CERS3: variants seen among roughly 807,000 people sequenced by gnomAD.
The protein encoded by CERS3 is LAG1 homolog, ceramide synthase 3.
A neutral mutation model predicts 50.3 loss-of-function variants in CERS3; 33 were observed. The ratio of observed to expected loss-of-function variants is 0.66; its 90% confidence interval spans 0.50 to 0.88. The LOEUF (loss-of-function observed/expected upper bound fraction) is 0.88, where lower values mean the gene tolerates loss of function less well. CERS3 is among the 40% of genes least tolerant of loss of function. The pLI is 0.00. For missense variants in CERS3, 470 were observed against 460.3 expected, an observed-to-expected ratio of 1.02 and a Z score of -0.19; for synonymous variants, 176 against 155.2, an observed-to-expected ratio of 1.13 and a Z score of -0.99.
chr15:100,416,521 A>T (rs2142073008), intron 11 of CERS3, among the ~76,000 whole-genome samples: 1 of 152,354 alleles, frequency 6.6e-6, no homozygotes, highest in South Asian at 2.1e-4. Flanking sequence ...TGTAAAGGAA[A>T]GAAGTTTAAT....
intron 2 of CERS3, among the ~76,000 whole-genome samples, chr15:100,502,243 C>CAAAAAAAGAAAAAAAAAAAAAAAAAAA (rs2036028685): frequency 8.2e-5 from 1 of 12,160 alleles, no homozygotes; most frequent in Non-Finnish European, 2.2e-4. Context: ...GACTCCACCT[C>CAAAAAAAGAAAAAAAAAAAAAAAAAAA]AAAAAAAGAA....
At position 100,479,720 on chromosome 15, in the gene CERS3, A is replaced by G. The variant is rs187798548; in HGVS notation, c.466-242T>C. Among the ~76,000 whole-genome samples, 292 of 152,326 alleles carry G rather than the reference A, an allele frequency of 1.9e-3. 4 individuals are homozygous for G. Among genetic ancestry groups the G allele is most frequent in the African/African-American group, 6.8e-3 (281 of 41,584 alleles). The stretch of plus-strand genomic sequence containing the variant: ...AATTCACTACTAGTGAATCTAAGAT[A>G]AGTAAATAGTGCTGTCTCATAGAGG... On this transcript the variant is annotated intron_variant, in intron 6 of 11. Coordinates refer to ENST00000679737, the MANE Select transcript of CERS3 (RefSeq NM_001378789.1).
At chr15:100,443,763 T>C (rs144628537) in intron 11 of CERS3, among the ~76,000 whole-genome samples, 200 of 152,158 alleles carry the variant, frequency 1.3e-3, no homozygotes, top group African/African-American at 4.5e-3. Flanking sequence ...TCCCTGCCGA[T>C]AGTGTCCGAC....
rs574192441 is a variant in CERS3 at position 100,408,851 on chromosome 15, C to T, written c.1000-5986G>A. ...GCTCGGGACTAAACAGTTACATCAA[C>T]AACATTTCCTCCTCACAGCCACAAG... On this transcript the variant is annotated intron_variant, in intron 11 of 11. Coordinates refer to ENST00000679737, the MANE Select transcript of CERS3 (RefSeq NM_001378789.1). 144 of 152,292 alleles carry T rather than the reference C, an allele frequency of 9.5e-4. 1 individual carries two copies. The highest frequency in any genetic ancestry group is 3.3e-3 in the African/African-American group (136 of 41,572). 9.4% of individuals were successfully genotyped at this position (152,292 alleles called of 1,614,324 possible). A position where few individuals can be genotyped will look rare whatever the true frequency, so the allele number is the denominator to read the frequency against.
chr15:100,413,120 C>T (rs1052005333), intron 11 of CERS3, among the ~76,000 whole-genome samples: 1 of 152,050 alleles, frequency 6.6e-6, no homozygotes, highest in Admixed American at 6.6e-5. Flanking sequence ...TTGATTATAT[C>T]AACATAATTT....
chr15:100,456,214 A>T (rs955209733), intron 10 of CERS3, among the ~76,000 whole-genome samples, 168 bp from the exon 11 acceptor site: 1 of 152,234 alleles, frequency 6.6e-6, no homozygotes, highest in African/African-American at 2.4e-5. Flanking sequence ...AAATATCATT[A>T]CTGGCAAGCA....
rs11855834 is a variant in CERS3, at chr15:100,423,252, G to T, written c.1000-20387C>A. 4.4e-3 allele frequency among the ~76,000 whole-genome samples: 663 copies of T among 152,196 alleles called. 5 individuals are homozygous for T. The highest frequency in any genetic ancestry group is 0.015 in the African/African-American group (605 of 41,542). ...TAAAACAGAACTTCCATTCAACCCA[G>T]CAATCCTATTACTGGGTATATACCC... On this transcript the variant is annotated intron_variant, in intron 11 of 11. Coordinates refer to ENST00000679737, the MANE Select transcript of CERS3 (RefSeq NM_001378789.1).
intron 1 of CERS3, among the ~76,000 whole-genome samples, chr15:100,536,510 C>T (rs909432862): frequency 2.0e-5 from 3 of 152,138 alleles, no homozygotes; most frequent in Non-Finnish European, 2.9e-5. Flanking sequence ...GTCTCGAATT[C>T]CTAAGCTCGA....
chr15:100,516,190 A>G (rs2036482942), intron 2 of CERS3, among the ~76,000 whole-genome samples: 1 of 152,222 alleles, frequency 6.6e-6, no homozygotes, highest in South Asian at 2.1e-4. Context: ...AGGGGTGGGT[A>G]AGGCCATTAT....
At chr15:100,422,792 G>T (rs1433541880) in intron 11 of CERS3, among the ~76,000 whole-genome samples, 2 of 140,990 alleles carry the variant, frequency 1.4e-5, no homozygotes, top group Admixed American at 1.5e-4. Flanking sequence ...GCAGGGACAT[G>T]GATGAAATTG....
intron 10 of CERS3, among the ~76,000 whole-genome samples, chr15:100,468,009 C>T (rs2034841136): frequency 6.6e-6 from 1 of 151,768 alleles, no homozygotes; most frequent in African/African-American, 2.4e-5. Context: ...TATAGGCATG[C>T]ACCACCATGC....
intron 11 of CERS3, among the ~76,000 whole-genome samples, chr15:100,450,482 G>T (rs1215463116): frequency 1.3e-5 from 2 of 149,762 alleles, no homozygotes; most frequent in African/African-American, 4.9e-5. Context: ...CTTGAAGACA[G>T]GTCTTTTGAA....
intron 1 of CERS3, among the ~76,000 whole-genome samples, chr15:100,537,158 G>A (rs2037094542): frequency 6.6e-6 from 1 of 152,136 alleles, no homozygotes; most frequent in African/African-American, 2.4e-5. Context: ...TCTTCAGCCT[G>A]TGAATTCTCT....
At chr15:100,466,952 C>A (rs547015311) in intron 10 of CERS3, among the ~76,000 whole-genome samples, 1 of 151,866 alleles carries the variant, frequency 6.6e-6, no homozygotes, top group African/African-American at 2.4e-5. Flanking sequence ...CTCCCAGGTT[C>A]AAGCACTTTT....
At chr15:100,534,058 C>T (rs567782667) in intron 1 of CERS3, among the ~76,000 whole-genome samples, 2 of 152,320 alleles carry the variant, frequency 1.3e-5, no homozygotes, top group South Asian at 4.1e-4. Flanking sequence ...GACCATGTCA[C>T]CATGTGAGCA....
Position 100,491,563 on chromosome 15 carries a change from T to G in CERS3, c.174-632A>C, listed in dbSNP as rs368892414. 2.6e-5 allele frequency among the ~76,000 whole-genome samples: 4 copies of G among 152,302 alleles called. 1 individual carries two copies. The highest frequency in any genetic ancestry group is 9.6e-5 in the African/African-American group (4 of 41,562). On this transcript the variant is annotated intron_variant, in intron 3 of 11. Transcript: ENST00000679737. ...TGGGTGTGTAGTGGTTTTTGTTGAT[T>G]TTCCACTATAATCTTTATTATTTCC...
At chr15:100,530,713 G>A (rs540460750), upstream of CERS3, among the ~76,000 whole-genome samples, 8 of 152,196 alleles carry the variant, frequency 5.3e-5, no homozygotes, top group East Asian at 7.7e-4. Context: ...TTTTCACTCC[G>A]GGGATATCTC....
chr15:100,428,540 A>G (rs1271929986), intron 11 of CERS3, among the ~76,000 whole-genome samples: 1 of 152,212 alleles, frequency 6.6e-6, no homozygotes, highest in East Asian at 1.9e-4. Context: ...ACCTCCAGTT[A>G]TCTGTATCAT....
intron 11 of CERS3, among the ~76,000 whole-genome samples, chr15:100,414,822 A>AAAAAAC: frequency 6.6e-6 from 1 of 151,858 alleles, no homozygotes; most frequent in East Asian, 1.9e-4. Flanking sequence ...AAATGATTAA[A>AAAAAAC]AAAAAAAAAC....
Sources: gnomAD v4.1 joint callset for allele counts (sites outside exome capture counted in the v4.1 genomes callset) on GRCh38, gnomAD v4.1.1 for gene constraint, MANE v1.5 for transcripts, NCBI Gene and HGNC (gene_info 2026-07-23, HGNC 2026-07-21) for gene names.